The following CTU2 variants were observed in gnomAD, a reference collection of about 807,000 sequenced individuals.
The protein encoded by CTU2 is cytoplasmic tRNA 2-thiolation protein 2.
In CTU2, 80 loss-of-function variants were observed where a neutral mutation model predicts 64.1. That is an observed-to-expected ratio of 1.25 (90% CI 1.04 to 1.50). The LOEUF is 1.50. CTU2 is among the 40% of genes most tolerant of loss of function. CTU2 has a pLI of 0.00. For missense variants in CTU2, 1,110 were observed against 690.2 expected (o/e 1.61, Z -6.81); for synonymous variants, 482 against 285.3 (o/e 1.69, Z -6.95).
chr16:88,714,659 A>C lies in CTU2; in HGVS notation c.1274A>C (p.Glu425Ala), dbSNP rs760178405. 2.5e-6 allele frequency: 4 copies of C among 1,612,262 alleles called. No individual in the cohort carries two copies. Among genetic ancestry groups the C allele is most frequent in the African/African-American group, 2.7e-5 (2 of 74,804 alleles). Residue 425 changes from glutamate to alanine, a missense_variant, in exon 12 of 15, where the codon GAG becomes GCG. Coordinates refer to ENST00000453996, the MANE Select transcript of CTU2 (RefSeq NM_001012759.3). ...SQMQSPIPLT[E>A]TRTPPGPCCS... ...ATGCAGTCACCCATCCCCCTGACTG[A>C]GACCCGGACACCCCCGGGGCCCTGC...
chr16:88,708,860 A>T (rs1911106709), intron 2 of CTU2: 1 of 151,768 alleles, frequency 6.6e-6, no homozygotes, highest in Non-Finnish European at 1.5e-5. Flanking sequence ...TAAAATGCAG[A>T]CTCCTAGGCC....
Position 88,714,213 on chromosome 16 carries a change from C to T in CTU2, c.1083C>T (p.Val361=), listed in dbSNP as rs987580847. 8 of 1,597,636 alleles carry T rather than the reference C, an allele frequency of 5.0e-6. No individual in the cohort carries two copies. The highest frequency in any genetic ancestry group is 1.4e-5 in the African/African-American group (1 of 70,404). Residue 361 remains valine (V), a synonymous_variant, in exon 10 of 15, where the codon GTC becomes GTT. Coordinates refer to ENST00000453996, the MANE Select transcript of CTU2 (RefSeq NM_001012759.3). ...TGCAGACCCAGTTCCCCTCCACTGT[C>T]AGCACTGTGTACAGGTGTGGGTGTG... ...LRLQTQFPST[V]STVYRTSEKL...
Position 88,713,687 on chromosome 16 carries a change from G to T in CTU2, c.914G>T (p.Arg305Leu), listed in dbSNP as rs770197971. The change falls in exon 9 of 15, where the codon CGG (arginine) becomes CTG (leucine). Residue 305 changes from arginine to leucine, a missense_variant. Transcript: ENST00000453996. ...DERHGDVVVV[R>L]PMRDHTLKEV... ...CGGCACGGGGACGTGGTGGTGGTGC[G>T]GCCCATGCGGGACCACACCCTGAAG... 1 of 1,612,566 alleles carries T rather than the reference G, an allele frequency of 6.2e-7. No individual in the cohort carries two copies. Among genetic ancestry groups the T allele is most frequent in the South Asian group, 1.1e-5 (1 of 91,084 alleles).
chr16:88,711,726 TG>T, intron 5 of CTU2, 31 bp downstream of exon 5: 1 of 1,586,404 alleles, frequency 6.3e-7, no homozygotes, highest in Non-Finnish European at 8.6e-7. Flanking sequence ...TCCTAGTCCC[TG>T]GCCACTTGGG....
chr16:88,712,043 C>T (rs765658772), intron 5 of CTU2: 143 of 668,830 alleles, frequency 2.1e-4, no homozygotes, highest in Non-Finnish European at 5.7e-5. Flanking sequence ...GCCGACTCCC[C>T]GACCCTTGCT....
chr16:88,708,233 G>C (rs1332976397), intron 2 of CTU2, among the ~76,000 whole-genome samples: 1 of 152,230 alleles, frequency 6.6e-6, no homozygotes, highest in Non-Finnish European at 1.5e-5. Context: ...GTGGCCAGAA[G>C]GGCTTTTGCT....
intron 4 of CTU2, 44 bp downstream of exon 4, chr16:88,710,326 T>C (rs760498224): frequency 2.5e-6 from 4 of 1,606,392 alleles, no homozygotes; most frequent in East Asian, 2.2e-5. Context: ...TGGGCTGAGC[T>C]TCAGGCTGGG....
chr16:88,714,867 C>A lies in CTU2; in HGVS notation c.1360C>A (p.Pro454Thr), dbSNP rs776861417. Residue 454 changes from proline to threonine, a missense_variant, in exon 13 of 15, where the codon CCC becomes ACC. Coordinates refer to ENST00000453996, the MANE Select transcript of CTU2 (RefSeq NM_001012759.3). ...CCAGCTCTGCTCCCGCAGGGAGGAC[C>A]CCCAAGCCTGCATTGAGGAGCAGCT... is the stretch of plus-strand genomic sequence containing the variant. ...CGQGACRRED[P>T]QACIEEQLCY... 1.2e-6 allele frequency: 2 copies of A among 1,612,536 alleles called. No homozygotes were observed. The highest frequency in any genetic ancestry group is 1.1e-5 in the South Asian group (1 of 91,090).
At chr16:88,706,685 G>C in intron 1 of CTU2, 87 bp downstream of exon 1, 4 of 1,028,560 alleles carry the variant, frequency 3.9e-6, no homozygotes, top group Non-Finnish European at 3.9e-6. Context: ...GGCTTGCTCC[G>C]GGAAGCCCCG....
chr16:88,715,127 G>A lies in CTU2; in HGVS notation c.1478+21G>A, dbSNP rs199639441. On this transcript the variant is annotated intron_variant, in intron 14 of 14. Coordinates refer to ENST00000453996, the MANE Select transcript of CTU2 (RefSeq NM_001012759.3). ...CAGAGGTACTGGGGCCCACACTGCC[G>A]TGGCGCGTGGGTAAGGGGCCTCGGG... 1.8e-5 allele frequency: 29 copies of A among 1,602,566 alleles called. No homozygotes were observed. The East Asian group carries it at 3.6e-4, about 20-fold the overall frequency.
Position 88,714,414 on chromosome 16 carries a change from G to C in CTU2, c.1129G>C (p.Asp377His), listed in dbSNP as rs772495350. 3.1e-6 allele frequency: 5 copies of C among 1,612,436 alleles called. No individual in the cohort carries two copies. Among genetic ancestry groups the C allele is most frequent in the South Asian group, 2.2e-5 (2 of 91,090 alleles). The change falls in exon 11 of 15, where the codon GAT becomes CAT. Residue 377 changes from aspartate (D) to histidine (H), a missense_variant. Transcript: ENST00000453996. ...TSEKLVKGPR[D>H]GPAAGDSGPR... ...TGAGAAGCTGGTGAAGGGCCCCCGG[G>C]ATGGCCCTGCTGCTGGCGACTCCGG...
chr16:88,711,264 G>A (rs1911296774), intron 4 of CTU2, among the ~76,000 whole-genome samples: 2 of 152,154 alleles, frequency 1.3e-5, no homozygotes, highest in Admixed American at 6.5e-5. Flanking sequence ...CAGGCTGTTG[G>A]TTTCTGCTTG....
Position 88,712,605 on chromosome 16 carries a change from C to G in CTU2, c.454-17C>G, listed in dbSNP as rs191787763. 3.7e-6 allele frequency: 6 copies of G among 1,605,472 alleles called. No homozygotes were observed. The highest frequency in any genetic ancestry group is 1.7e-5 in the Admixed American group (1 of 59,348). On this transcript the variant is annotated splice_polypyrimidine_tract_variant and intron_variant, in intron 6 of 14. Transcript: ENST00000453996. ...CCCGTGTCCCGGGCCTCACTGGCGT[C>G]TCCCTCATCCCGGAAGGTGTTCAGC...
At chr16:88,706,856 G>C in intron 1 of CTU2, 1 of 559,910 alleles carries the variant, frequency 1.8e-6, no homozygotes, top group Non-Finnish European at 3.2e-6. Flanking sequence ...GGAGAGAACT[G>C]GTGCCGTGAA....
In CTU2 at chr16:88,711,704, G is replaced by A; in HGVS notation, c.343+9G>A. On this transcript the variant is annotated intron_variant, in intron 5 of 14. Coordinates refer to ENST00000453996, the MANE Select transcript of CTU2 (RefSeq NM_001012759.3). ...AGTCATCTTTGTTGACGGTATGTGG[G>A]GCCATTGCTCCTCCTAGTCCCTGGC... 2 of 1,607,332 alleles carry A rather than the reference G, an allele frequency of 1.2e-6. No homozygotes were observed. The highest frequency in any genetic ancestry group is 2.2e-5 in the East Asian group (1 of 44,582).
chr16:88,708,337 G>T (rs867301053), intron 2 of CTU2, among the ~76,000 whole-genome samples: 5 of 152,196 alleles, frequency 3.3e-5, no homozygotes, highest in Non-Finnish European at 5.9e-5. Flanking sequence ...GGATCATTCA[G>T]GTCAGCACGT....
At position 88,715,206 on chromosome 16, in the gene CTU2, G is replaced by A. The variant is rs1058158; in HGVS notation, c.1503G>A (p.Arg501=). Residue 501 remains arginine, a synonymous_variant, in exon 15 of 15, where the codon CGG becomes CGA. Coordinates refer to ENST00000453996, the MANE Select transcript of CTU2 (RefSeq NM_001012759.3). ...TQRAWGLQEI[R]DCLIEDSDDE... ...GGGCCTGGGGCTTGCAGGAGATCCG[G>A]GACTGTCTGATTGAGGACAGTGACG... 1.2e-6 allele frequency: 2 copies of A among 1,612,186 alleles called. No individual in the cohort carries two copies. Among genetic ancestry groups the A allele is most frequent in the Non-Finnish European group, 1.7e-6 (2 of 1,179,788 alleles).
Position 88,707,030 on chromosome 16 carries a change from C to T in CTU2, c.69-106C>T, listed in dbSNP as rs769743656. 3.6e-4 allele frequency: 410 copies of T among 1,154,848 alleles called. 1 individual carries two copies. Among genetic ancestry groups the T allele is most frequent in the Non-Finnish European group, 4.9e-4 (376 of 771,788 alleles). The allele number at this position is 1,154,848 out of a possible 1,614,324, so 71.5% of individuals were successfully genotyped here. A position where few individuals can be genotyped will look rare whatever the true frequency, so the allele number is the denominator to read the frequency against. ...TGTGTGTGTACCGAGGTGCCTTTCTCTGACCCAACTCAGGGTGAGAAACAG... is the reference window on the plus strand; with the variant it reads ...TGTGTGTGTACCGAGGTGCCTTTCTTTGACCCAACTCAGGGTGAGAAACAG... On this transcript the variant is annotated intron_variant, in intron 1 of 14. Coordinates refer to ENST00000453996, the MANE Select transcript of CTU2 (RefSeq NM_001012759.3).
intron 7 of CTU2, 62 bp downstream of exon 7, chr16:88,712,967 C>A: frequency 2.6e-6 from 2 of 764,712 alleles, no homozygotes; most frequent in Non-Finnish European, 4.0e-6. Flanking sequence ...CTGAGAGCCC[C>A]CTTCCCCGGG....
Sources: gnomAD v4.1 joint callset for allele counts (sites outside exome capture counted in the v4.1 genomes callset) on GRCh38, gnomAD v4.1.1 for gene constraint, MANE v1.5 for transcripts, NCBI Gene and HGNC (gene_info 2026-07-23, HGNC 2026-07-21) for gene names.